CNOT6: variants seen among roughly 807,000 people sequenced by gnomAD.
The protein encoded by CNOT6 is carbon catabolite repression 4 protein.
A neutral mutation model predicts 61.2 loss-of-function variants in CNOT6; 12 were observed. That is an observed-to-expected ratio of 0.20 (90% CI 0.13 to 0.32). CNOT6 has a LOEUF of 0.32. CNOT6 is among the 10% of genes least tolerant of loss of function. The pLI is 1.00. For missense variants in CNOT6, 405 were observed against 663.9 expected (o/e 0.61, Z 4.28); for synonymous variants, 225 against 240.6 (o/e 0.94, Z 0.60).
intron 10 of CNOT6, 87 bp from the exon 11 acceptor site, chr5:180,571,143 A>G (rs2127767714): frequency 1.1e-6 from 1 of 874,314 alleles, no homozygotes; most frequent in Non-Finnish European, 1.8e-6. Context: ...GGGAATATGT[A>G]TAGTTTAAAA....
chr5:180,509,236 G>A (rs1294116889), intron 1 of CNOT6, among the ~76,000 whole-genome samples: 2 of 151,982 alleles, frequency 1.3e-5, no homozygotes, highest in African/African-American at 2.4e-5. Flanking sequence ...GGCTCAAGCC[G>A]TCCTCCCGCC....
intron 6 of CNOT6, 124 bp downstream of exon 6, chr5:180,564,867 G>A: frequency 1.4e-6 from 1 of 734,080 alleles, no homozygotes; most frequent in South Asian, 1.8e-5. Flanking sequence ...TTTGGTTTGG[G>A]AGGTAATAAA....
chr5:180,561,213 A>G (rs1400959636), intron 4 of CNOT6, among the ~76,000 whole-genome samples: 1 of 152,084 alleles, frequency 6.6e-6, no homozygotes, highest in Non-Finnish European at 1.5e-5. Context: ...TCAGCCTCCA[A>G]AGTGCTGGGA....
At chr5:180,563,435 G>C (rs1024973105) in intron 4 of CNOT6, among the ~76,000 whole-genome samples, 1 of 151,748 alleles carries the variant, frequency 6.6e-6, no homozygotes, top group Non-Finnish European at 1.5e-5. Flanking sequence ...GTAGAGACGA[G>C]GTTTCACCGT....
At position 180,524,809 on chromosome 5, in the gene CNOT6, G is replaced by C. The variant is rs1013947196; in HGVS notation, c.-2-4466G>C. Among the ~76,000 whole-genome samples, 5 of 152,150 alleles carry C rather than the reference G, an allele frequency of 3.3e-5. No individual in the cohort carries two copies. The South Asian group carries it at 6.2e-4, about 19-fold the overall frequency. On this transcript the variant is annotated intron_variant, in intron 1 of 11. Coordinates refer to ENST00000261951, the MANE Select transcript of CNOT6 (RefSeq NM_001370472.1). Reference sequence around the variant, plus strand: ...AGGACAAAAATACTAATCTCAGCTGGTCAGAGCAATTTCTTACCATTATTA... The same window carrying C: ...AGGACAAAAATACTAATCTCAGCTGCTCAGAGCAATTTCTTACCATTATTA...
chr5:180,510,134 C>CTTTTTTTTTTTTTTTTT (rs56899929), intron 1 of CNOT6, among the ~76,000 whole-genome samples: 2 of 37,368 alleles, frequency 5.4e-5, no homozygotes, highest in East Asian at 1.1e-3. Flanking sequence ...GTCTGTAAAC[C>CTTTTTTTTTTTTTTTTT]TTTTTTTTTT....
intron 4 of CNOT6, among the ~76,000 whole-genome samples, chr5:180,562,485 A>G (rs1176099275): frequency 6.6e-6 from 1 of 152,198 alleles, no homozygotes; most frequent in Non-Finnish European, 1.5e-5. Flanking sequence ...TCACACCTGT[A>G]ATCCCAGCAC....
Position 180,574,344 on chromosome 5 carries a change from T to C in CNOT6, c.*144T>C. On this transcript the variant is annotated 3_prime_UTR_variant, in exon 12 of 12. Coordinates refer to ENST00000261951, the MANE Select transcript of CNOT6 (RefSeq NM_001370472.1). ...ATCTGATTATTTGATAAGGATATAG[T>C]ATGAAAGCCAGGTGCTAGCAACAGA... The C allele has an allele frequency of 1.4e-6, 1 of 692,144 alleles. No homozygotes were observed. The highest frequency in any genetic ancestry group is 3.3e-4 in the Middle Eastern group (1 of 3,020). The allele number at this position is 692,144 out of a possible 1,614,324, so 42.9% of individuals were successfully genotyped here.
chr5:180,520,970 G>A (rs1188538433), intron 1 of CNOT6, among the ~76,000 whole-genome samples: 1 of 151,440 alleles, frequency 6.6e-6, no homozygotes. Flanking sequence ...TCAGCCTCCC[G>A]AGTAACTGGG....
chr5:180,565,807 A>G lies in CNOT6; in HGVS notation c.560-13A>G, dbSNP rs1389291986. The G allele has an allele frequency of 3.2e-6, 5 of 1,551,618 alleles. No individual in the cohort carries two copies. In the Admixed American group the frequency reaches 5.9e-5, roughly 18 times the overall value. ...GCCACATGTGTGAATAAGTAAAGTT[A>G]TCTTTCCTACAGCCTTGTTTTCTGT... is the stretch of plus-strand genomic sequence containing the variant. On this transcript the variant is annotated splice_polypyrimidine_tract_variant and intron_variant, in intron 6 of 11. Transcript: ENST00000261951.
chr5:180,531,385 C>G (rs988098091), intron 2 of CNOT6, among the ~76,000 whole-genome samples: 3 of 151,162 alleles, frequency 2.0e-5, no homozygotes, highest in Non-Finnish European at 4.4e-5. Context: ...ACATCCCACA[C>G]GGGGCGGCGG....
intron 3 of CNOT6, among the ~76,000 whole-genome samples, chr5:180,551,868 TTTTC>T (rs1219881927): frequency 2.6e-5 from 4 of 151,938 alleles, no homozygotes; most frequent in African/African-American, 4.8e-5. Context: ...TCCTTTTTCT[TTTTC>T]TTTTTTTTTT....
At chr5:180,514,535 A>G (rs1757546940) in intron 1 of CNOT6, among the ~76,000 whole-genome samples, 1 of 152,358 alleles carries the variant, frequency 6.6e-6, no homozygotes, top group South Asian at 2.1e-4. Context: ...TCCTAAAAGC[A>G]TAAGTACCAA....
At position 180,516,685 on chromosome 5, in the gene CNOT6, T is replaced by G. The variant is rs1245375651; in HGVS notation, c.-2-12590T>G. ...AAACATGAACTAGGTGTTAAATGTC[T>G]TCTCTCATTGTCCATAAAATTTTTT... On this transcript the variant is annotated intron_variant, in intron 1 of 11. Transcript: ENST00000261951. Among the ~76,000 whole-genome samples the G allele has an allele frequency of 1.3e-5, 2 of 152,208 alleles. 1 individual carries two copies. The highest frequency in any genetic ancestry group is 2.9e-5 in the Non-Finnish European group (2 of 68,038).
At chr5:180,504,009 C>G (rs776177353) in intron 1 of CNOT6, among the ~76,000 whole-genome samples, 11 of 152,068 alleles carry the variant, frequency 7.2e-5, no homozygotes, top group Non-Finnish European at 1.6e-4. Flanking sequence ...AATTTATAAC[C>G]GTTTACACTA....
intron 11 of CNOT6, among the ~76,000 whole-genome samples, 196 bp downstream of exon 11, chr5:180,571,628 C>T (rs1561668238): frequency 6.6e-6 from 1 of 151,964 alleles, no homozygotes; most frequent in African/African-American, 2.4e-5. Flanking sequence ...TGCAGTGGCA[C>T]AGTGATGGCT....
intron 1 of CNOT6, among the ~76,000 whole-genome samples, chr5:180,525,196 C>T (rs1758044519): frequency 6.6e-6 from 1 of 152,126 alleles, no homozygotes; most frequent in African/African-American, 2.4e-5. Context: ...TTTAGGATTA[C>T]TTACTTCCTT....
intron 2 of CNOT6, among the ~76,000 whole-genome samples, chr5:180,535,842 CCTTT>C (rs1214095048): frequency 2.0e-5 from 3 of 152,000 alleles, no homozygotes; most frequent in Admixed American, 6.6e-5. Context: ...TTAATAGTAG[CCTTT>C]CTGAGTGGTG....
intron 2 of CNOT6, among the ~76,000 whole-genome samples, chr5:180,532,175 G>A (rs1758424834): frequency 6.6e-6 from 1 of 152,188 alleles, no homozygotes; most frequent in Admixed American, 6.5e-5. Context: ...TCAAAGCACA[G>A]TCAGTCACCA....
Sources: allele counts gnomAD v4.1 joint callset (sites outside exome capture counted in the v4.1 genomes callset), GRCh38; gene constraint gnomAD v4.1.1; transcripts MANE v1.5; gene names NCBI Gene and HGNC (gene_info 2026-07-23, HGNC 2026-07-21).